The following AFF3 variants were observed in gnomAD, a reference collection of about 807,000 sequenced individuals.
AFF3 encodes AF4/FMR2 family member 3.
A neutral mutation model predicts 129.7 loss-of-function variants in AFF3; 32 were observed. That is an observed-to-expected ratio of 0.25 (90% confidence interval 0.19 to 0.33). AFF3 has a LOEUF of 0.33. AFF3 is among the 10% of genes least tolerant of loss of function. AFF3 has a pLI of 1.00. For synonymous variants in AFF3, 644 were observed against 635.4 expected, an observed-to-expected ratio of 1.01 and a Z score of -0.20; for missense variants, 1,373 against 1,592.0, an observed-to-expected ratio of 0.86 and a Z score of 2.34.
chr2:99,856,220 T>C (rs910168979), intron 7 of AFF3, among the ~76,000 whole-genome samples: 1 of 152,100 alleles, frequency 6.6e-6, no homozygotes. Flanking sequence ...TGTATCAATA[T>C]TTGTTCCTTT....
At position 99,556,502 on chromosome 2, in the gene AFF3, C is replaced by A. The variant is rs1674933481; in HGVS notation, c.3286-1770G>T. On this transcript the variant is annotated intron_variant, in intron 22 of 24. Transcript: ENST00000672756. ...CTTCCTCTACCACTAAGCCCCATGC[C>A]CAAGAAATACCGGTAGGAACAAAGT... Among the ~76,000 whole-genome samples, 4 of 152,102 alleles carry A rather than the reference C, an allele frequency of 2.6e-5. No individual in the cohort carries two copies. The South Asian group carries it at 8.3e-4, about 32-fold the overall frequency.
intron 7 of AFF3, among the ~76,000 whole-genome samples, chr2:99,890,456 T>C (rs1380223864): frequency 6.6e-6 from 1 of 152,214 alleles, no homozygotes; most frequent in South Asian, 2.1e-4. Context: ...TTGAGATACA[T>C]GCATTCCCAG....
chr2:100,105,208 C>G, intron 3 of AFF3: 1 of 747,888 alleles, frequency 1.3e-6, no homozygotes, highest in Non-Finnish European at 1.7e-6. Context: ...TCCCGCGGCC[C>G]AGAATCCACT....
intron 11 of AFF3, among the ~76,000 whole-genome samples, chr2:99,712,681 G>A (rs867379705): frequency 2.6e-5 from 4 of 152,146 alleles, no homozygotes; most frequent in Non-Finnish European, 4.4e-5. Context: ...CAAAGGATAC[G>A]GTATAAAATG....
chr2:99,716,880 C>T (rs1678447249), intron 11 of AFF3, among the ~76,000 whole-genome samples: 1 of 42,796 alleles, frequency 2.3e-5, no homozygotes, highest in Admixed American at 2.2e-4. Flanking sequence ...GAGACTCCGT[C>T]TCAAAAAAAA....
chr2:99,906,736 T>C (rs569526471), intron 7 of AFF3, among the ~76,000 whole-genome samples: 2 of 152,158 alleles, frequency 1.3e-5, no homozygotes, highest in South Asian at 4.2e-4. Flanking sequence ...CTTTCTACAC[T>C]GCTCTTCCTG....
intron 13 of AFF3, among the ~76,000 whole-genome samples, chr2:99,640,939 G>A (rs145837829): frequency 2.6e-5 from 4 of 152,168 alleles, no homozygotes; most frequent in African/African-American, 7.2e-5. Context: ...GATGCACTGC[G>A]TAACCGAAGA....
chr2:99,568,199 G>C (rs1676154681), intron 19 of AFF3, among the ~76,000 whole-genome samples: 1 of 152,180 alleles, frequency 6.6e-6, no homozygotes, highest in South Asian at 2.1e-4. Flanking sequence ...ACTAAAACTG[G>C]AATTACTAGG....
At chr2:99,562,066 C>T (rs961647871) in intron 20 of AFF3, among the ~76,000 whole-genome samples, 2 of 152,194 alleles carry the variant, frequency 1.3e-5, no homozygotes, top group Admixed American at 1.3e-4. Context: ...AGATAATTAT[C>T]GTTTCTCCCT....
At chr2:99,917,478 T>C (rs1695551321) in intron 7 of AFF3, among the ~76,000 whole-genome samples, 1 of 152,184 alleles carries the variant, frequency 6.6e-6, no homozygotes, top group Admixed American at 6.5e-5. Flanking sequence ...CTACCCCTTT[T>C]TGTGTGAGTT....
In AFF3 at chr2:99,744,154, A is replaced by C; in HGVS notation, c.1003-14T>G. On this transcript the variant is annotated splice_polypyrimidine_tract_variant and intron_variant, in intron 9 of 24. Coordinates refer to ENST00000672756, the MANE Select transcript of AFF3 (RefSeq NM_001386135.1). ...AAGCTGAGAGTCCTGAAAGAACAAGAAATATCAATTAATTTTCTTATTTTG... is the reference window on the plus strand; with the variant it reads ...AAGCTGAGAGTCCTGAAAGAACAAGCAATATCAATTAATTTTCTTATTTTG... 6.2e-7 allele frequency: 1 copy of C among 1,601,882 alleles called. No homozygotes were observed.
chr2:99,934,830 T>C (rs955667950), intron 7 of AFF3, among the ~76,000 whole-genome samples: 1 of 152,142 alleles, frequency 6.6e-6, no homozygotes, highest in African/African-American at 2.4e-5. Context: ...AGAAAGTGAA[T>C]CTGTGCTGCT....
At chr2:99,733,058 G>A (rs1410880294) in intron 10 of AFF3, among the ~76,000 whole-genome samples, 1 of 151,994 alleles carries the variant, frequency 6.6e-6, no homozygotes, top group Non-Finnish European at 1.5e-5. Context: ...ATAGTCGTGT[G>A]TGTGTGCGTG....
At chr2:99,814,852 A>G (rs946015990) in intron 8 of AFF3, among the ~76,000 whole-genome samples, 2 of 105,406 alleles carry the variant, frequency 1.9e-5, no homozygotes. Context: ...TTTTAATTAT[A>G]CTTTTTTTTT....
At chr2:99,603,199 C>A (rs1680004044) in intron 13 of AFF3, among the ~76,000 whole-genome samples, 1 of 151,992 alleles carries the variant, frequency 6.6e-6, no homozygotes, top group Non-Finnish European at 1.5e-5. Context: ...ACAGTTAGAG[C>A]TCAGGGGCTG....
chr2:99,831,106 C>T (rs188512857), intron 8 of AFF3, among the ~76,000 whole-genome samples: 2 of 152,324 alleles, frequency 1.3e-5, no homozygotes, highest in East Asian at 1.9e-4. Flanking sequence ...AAAACCCGCA[C>T]AGACTTGGGG....
At chr2:99,860,052 C>T (rs1576208653) in intron 7 of AFF3, among the ~76,000 whole-genome samples, 1 of 152,192 alleles carries the variant, frequency 6.6e-6, no homozygotes, top group Non-Finnish European at 1.5e-5. Flanking sequence ...AGAAACCACA[C>T]TCTCCGTTCC....
chr2:100,002,863 T>G (rs1559047459), intron 7 of AFF3, among the ~76,000 whole-genome samples: 4 of 152,220 alleles, frequency 2.6e-5, no homozygotes, highest in African/African-American at 9.6e-5. Flanking sequence ...ACTCCTGTGT[T>G]GTCTCAATGG....
At chr2:99,744,539 C>T (rs539226956) in intron 9 of AFF3, among the ~76,000 whole-genome samples, 1 of 152,270 alleles carries the variant, frequency 6.6e-6, no homozygotes, top group Non-Finnish European at 1.5e-5. Flanking sequence ...GTCTCCCATA[C>T]CCCTGCCCTC....
Sources: gnomAD v4.1 joint callset for allele counts (sites outside exome capture counted in the v4.1 genomes callset) on GRCh38, gnomAD v4.1.1 for gene constraint, MANE v1.5 for transcripts, NCBI Gene and HGNC (gene_info 2026-07-23, HGNC 2026-07-21) for gene names.